The following PGM1 variants were observed in gnomAD, a reference collection of about 807,000 sequenced individuals.
The protein encoded by PGM1 is phosphoglucomutase-1.
PGM1 carries 52 observed loss-of-function variants against 55.6 expected under a neutral mutation model. The observed-to-expected ratio is 0.94, with a 90% confidence interval of 0.75 to 1.18. The LOEUF (loss-of-function observed/expected upper bound fraction) is 1.18, where lower values mean the gene tolerates loss of function less well. PGM1 is among the 50% of genes most tolerant of loss of function. The probability of loss-of-function intolerance (pLI) is 0.00; values close to 1 mark genes in which losing one functional copy is unlikely to be tolerated. For missense variants in PGM1, 724 were observed against 729.3 expected (o/e 0.99, Z 0.08); for synonymous variants, 287 against 271.7 (o/e 1.06, Z -0.55).
chr1:63,654,970 T>C (rs80080595), intron 10 of PGM1, among the ~76,000 whole-genome samples: 31 of 134,770 alleles, frequency 2.3e-4, no homozygotes, highest in African/African-American at 1.0e-3. Flanking sequence ...AATCTCTCTT[T>C]TTTTTTTTTT....
intron 1 of PGM1, among the ~76,000 whole-genome samples, chr1:63,603,524 C>A (rs1272256335): frequency 2.0e-5 from 3 of 152,152 alleles, no homozygotes; most frequent in Non-Finnish European, 4.4e-5. Flanking sequence ...CTTAAATGTT[C>A]CACATAAAAA....
At chr1:63,650,003 G>A (rs1649762698) in intron 8 of PGM1, among the ~76,000 whole-genome samples, 1 of 152,182 alleles carries the variant, frequency 6.6e-6, no homozygotes, top group South Asian at 2.1e-4. Flanking sequence ...ATAAGGTTAG[G>A]AGGGGTTGTT....
At chr1:63,639,091 A>G (rs1649445159) in intron 7 of PGM1, among the ~76,000 whole-genome samples, 1 of 152,108 alleles carries the variant, frequency 6.6e-6, no homozygotes, top group Non-Finnish European at 1.5e-5. Flanking sequence ...AGAGCGATAA[A>G]CAGATTTTTC....
At chr1:63,658,234 T>G (rs1017017201) in intron 10 of PGM1, among the ~76,000 whole-genome samples, 1 of 152,190 alleles carries the variant, frequency 6.6e-6, no homozygotes, top group African/African-American at 2.4e-5. Context: ...CATTCAGCAG[T>G]AGAAAATGTA....
At chr1:63,648,076 C>T (rs1378454791) in intron 7 of PGM1, among the ~76,000 whole-genome samples, 1 of 152,150 alleles carries the variant, frequency 6.6e-6, no homozygotes, top group Non-Finnish European at 1.5e-5. Flanking sequence ...GTCTGCACAC[C>T]TACTGTTGAG....
Position 63,634,815 on chromosome 1 carries a change from C to A in PGM1, c.683-14C>A. 1 of 1,605,690 alleles carries A rather than the reference C, an allele frequency of 6.2e-7. No individual in the cohort carries two copies. The highest frequency in any genetic ancestry group is 1.3e-5 in the African/African-American group (1 of 74,886). On this transcript the variant is annotated splice_polypyrimidine_tract_variant and intron_variant, in intron 4 of 10. Coordinates refer to ENST00000371084, the MANE Select transcript of PGM1 (RefSeq NM_002633.3). ...TTTCTGATTCTGCATACATTTATTCCATGCTGTATATAGTTGTGGGACCGT... is the reference window on the plus strand; with the variant it reads ...TTTCTGATTCTGCATACATTTATTCAATGCTGTATATAGTTGTGGGACCGT...
intron 1 of PGM1, among the ~76,000 whole-genome samples, chr1:63,594,835 C>T (rs1013812103): frequency 2.8e-4 from 42 of 149,298 alleles, no homozygotes; most frequent in Non-Finnish European, 3.9e-4. Context: ...GTGGCGGGCG[C>T]CTGTAGTCTC....
At position 63,660,200 on chromosome 1, in the gene PGM1, C is replaced by T. The variant is rs555933605; in HGVS notation, c.*525C>T. The T allele has an allele frequency of 6.4e-6, 1 of 156,482 alleles. No individual in the cohort carries two copies. The highest frequency in any genetic ancestry group is 6.2e-5 in the Admixed American group (1 of 16,082). The allele number at this position is 156,482 out of a possible 1,614,324, so 9.7% of individuals were successfully genotyped here. A position where few individuals can be genotyped will look rare whatever the true frequency, so the allele number is the denominator to read the frequency against. ...TTCTGCCTTGTTTTGCGACATTGTC[C>T]CATTCACACAGATATTTTGGGATAA... On this transcript the variant is annotated 3_prime_UTR_variant, in exon 11 of 11. Coordinates refer to ENST00000371084, the MANE Select transcript of PGM1 (RefSeq NM_002633.3).
chr1:63,651,408 A>G, intron 8 of PGM1: 1 of 462,122 alleles, frequency 2.2e-6, no homozygotes, highest in South Asian at 2.2e-5. Context: ...TTAGAGCTTT[A>G]TTCTGTAGAA....
At position 63,629,497 on chromosome 1, in the gene PGM1, A is replaced by G; in HGVS notation, c.319A>G (p.Lys107Glu). The G allele has an allele frequency of 6.2e-7, 1 of 1,613,878 alleles. No individual in the cohort carries two copies. Among genetic ancestry groups the G allele is most frequent in the South Asian group, 1.1e-5 (1 of 91,082 alleles). ...PAVSCIIRKI[K>E]AIGGIILTAS... Reference sequence around the variant, plus strand: ...TGTATCCTGCATCATTAGAAAAATCAAAGCCATTGGTGGGATCATTCTGAC... The same window carrying G: ...TGTATCCTGCATCATTAGAAAAATCGAAGCCATTGGTGGGATCATTCTGAC... The change falls in exon 2 of 11, where the codon AAA becomes GAA. Residue 107 changes from lysine to glutamate, a missense_variant. By Grantham distance (56) the Lys-to-Glu change is moderately conservative. Coordinates refer to ENST00000371084, the MANE Select transcript of PGM1 (RefSeq NM_002633.3).
Position 63,623,762 on chromosome 1 carries a change from T to G in PGM1, c.247-5663T>G. The G allele has an allele frequency of 4.4e-6, 7 of 1,602,062 alleles. No homozygotes were observed. The Middle Eastern group carries it at 1.0e-3, about 228-fold the overall frequency. On this transcript the variant is annotated intron_variant, in intron 1 of 10. Coordinates refer to ENST00000371084, the MANE Select transcript of PGM1 (RefSeq NM_002633.3). ...GTGCAGATGGCAGCTGCCAATGGGG[T>G]GGGTATATGATAAGTATTGTTATGT...
At chr1:63,634,677 C>A in intron 4 of PGM1, 152 bp from the exon 5 acceptor site, 1 of 691,326 alleles carries the variant, frequency 1.4e-6, no homozygotes, top group Non-Finnish European at 2.6e-6. Flanking sequence ...AGGCGTATCT[C>A]TCCACTAGTC....
intron 7 of PGM1, among the ~76,000 whole-genome samples, chr1:63,645,863 C>G (rs764378285): frequency 3.3e-5 from 5 of 152,132 alleles, no homozygotes; most frequent in Admixed American, 6.5e-5. Flanking sequence ...TTACCGTATT[C>G]CTTGTGCTAT....
intron 1 of PGM1, among the ~76,000 whole-genome samples, chr1:63,594,971 A>AAAG (rs1557699862): frequency 6.8e-6 from 1 of 146,896 alleles, no homozygotes. Flanking sequence ...AAAAAAAAAA[A>AAAG]AAAAGAAAAA....
At chr1:63,644,803 C>A (rs1320394368) in intron 7 of PGM1, among the ~76,000 whole-genome samples, 1 of 152,020 alleles carries the variant, frequency 6.6e-6, no homozygotes, top group Non-Finnish European at 1.5e-5. Context: ...AACAGAGCCT[C>A]AAATTCAGGT....
intron 1 of PGM1, among the ~76,000 whole-genome samples, chr1:63,628,858 T>C (rs943995643): frequency 5.3e-5 from 8 of 152,156 alleles, no homozygotes; most frequent in Non-Finnish European, 1.0e-4. Flanking sequence ...GTAACAGAAG[T>C]AGGTGTGTCT....
intron 1 of PGM1, among the ~76,000 whole-genome samples, chr1:63,618,388 C>A (rs528090506): frequency 9.9e-5 from 15 of 152,226 alleles, no homozygotes; most frequent in African/African-American, 3.6e-4. Flanking sequence ...TCTTCTCATA[C>A]CTCCTTAAAC....
Position 63,593,790 on chromosome 1 carries a change from G to T in PGM1, c.246+56G>T, listed in dbSNP as rs532121247. 473 of 1,492,434 alleles carry T rather than the reference G, an allele frequency of 3.2e-4. 2 individuals carry two copies. Among genetic ancestry groups the T allele is most frequent in the East Asian group, 1.7e-3 (62 of 37,280 alleles). The allele number at this position is 1,492,434 out of a possible 1,614,324, so 92.4% of individuals were successfully genotyped here. A position where few individuals can be genotyped will look rare whatever the true frequency, so the allele number is the denominator to read the frequency against. ...CACCCTGGCGCGTGTGCGACGTGCG[G>T]CCCGCGGCGCCCTCCCTCGCTCGGG... On this transcript the variant is annotated intron_variant, in intron 1 of 10. Coordinates refer to ENST00000371084, the MANE Select transcript of PGM1 (RefSeq NM_002633.3).
At chr1:63,624,605 T>C (rs1358112517) in intron 1 of PGM1, among the ~76,000 whole-genome samples, 1 of 152,208 alleles carries the variant, frequency 6.6e-6, no homozygotes, top group Non-Finnish European at 1.5e-5. Context: ...TTTTTAGTGT[T>C]TTAGATAATG....
Sources: allele counts gnomAD v4.1 joint callset (sites outside exome capture counted in the v4.1 genomes callset), GRCh38; gene constraint gnomAD v4.1.1; transcripts MANE v1.5; gene names NCBI Gene and HGNC (gene_info 2026-07-23, HGNC 2026-07-21).